The following AIF1L variants were observed in gnomAD, a reference collection of about 807,000 sequenced individuals.
The protein encoded by AIF1L is allograft inflammatory factor 1 like, also known as allograft inflammatory factor 1-like.
Under a neutral mutation model 20.7 loss-of-function variants are expected in AIF1L, and 12 were observed. The observed-to-expected ratio is 0.58, with a 90% CI of 0.37 to 0.94. The LOEUF is 0.94. Ranked by LOEUF, AIF1L falls within the 40% of genes least tolerant of loss-of-function variation. AIF1L has a pLI of 0.01. For synonymous variants in AIF1L, 76 were observed against 65.1 expected, an observed-to-expected ratio of 1.17 and a Z score of -0.81; for missense variants, 173 against 185.3, an observed-to-expected ratio of 0.93 and a Z score of 0.39.
chr9:131,103,618 G>A (rs1830683590), intron 2 of AIF1L, among the ~76,000 whole-genome samples: 1 of 152,282 alleles, frequency 6.6e-6, no homozygotes, highest in African/African-American at 2.4e-5. Context: ...TGCACTTTAG[G>A]CTTGGGAATG....
intron 2 of AIF1L, among the ~76,000 whole-genome samples, chr9:131,110,599 G>A (rs947079801): frequency 2.0e-5 from 3 of 151,064 alleles, no homozygotes; most frequent in African/African-American, 7.3e-5. Context: ...CACCTCCCAG[G>A]TTTAAGCTAT....
intron 2 of AIF1L, among the ~76,000 whole-genome samples, 167 bp downstream of exon 2, chr9:131,097,030 T>G (rs533083410): frequency 6.6e-6 from 1 of 152,218 alleles, no homozygotes; most frequent in Non-Finnish European, 1.5e-5. Context: ...CGCCTCCGAC[T>G]CCAGGTAGGT....
intron 2 of AIF1L, chr9:131,098,397 G>A (rs1481155234): frequency 6.6e-6 from 1 of 152,464 alleles, no homozygotes; most frequent in Non-Finnish European, 1.5e-5. Flanking sequence ...ATCACTGTGT[G>A]CCTGCCCAGC....
chr9:131,111,581 C>T lies in AIF1L; in HGVS notation c.94-16C>T, dbSNP rs200998335. 3.4e-4 allele frequency: 543 copies of T among 1,612,198 alleles called. 2 individuals are homozygous for T. In the East Asian group the frequency reaches 7.7e-3, roughly 23 times the overall value. On this transcript the variant is annotated splice_polypyrimidine_tract_variant and intron_variant, in intron 2 of 5. Coordinates refer to ENST00000247291, the MANE Select transcript of AIF1L (RefSeq NM_031426.4). Reference sequence around the variant, plus strand: ...TCCCCAGTCCCTTGCTCAGCACTGTCCTCTCACCTCTGTAGGAGTTTCTGT... The same window carrying T: ...TCCCCAGTCCCTTGCTCAGCACTGTTCTCTCACCTCTGTAGGAGTTTCTGT...
chr9:131,107,219 C>T (rs1830773963), intron 2 of AIF1L, among the ~76,000 whole-genome samples: 1 of 152,214 alleles, frequency 6.6e-6, no homozygotes, highest in Admixed American at 6.5e-5. Context: ...CAGGGTGCAG[C>T]CCAGGGCAAT....
In AIF1L at chr9:131,104,310, A is replaced by AT. The variant is rs777141812; in HGVS notation, c.94-7285dup. On this transcript the variant is annotated intron_variant, in intron 2 of 5. Coordinates refer to ENST00000247291, the MANE Select transcript of AIF1L (RefSeq NM_031426.4). ...CTTGTCTTTGGGGACAGTGGGTTAG[A>AT]TTGTGTGAGGAGGATAGGGGATAGA... Among the ~76,000 whole-genome samples the AT allele has an allele frequency of 8.5e-5, 13 of 152,228 alleles. No individual in the cohort carries two copies. In the South Asian group the frequency reaches 1.5e-3, roughly 17 times the overall value.
intron 5 of AIF1L, among the ~76,000 whole-genome samples, chr9:131,119,725 G>T (rs539537269): frequency 4.6e-5 from 7 of 152,316 alleles, no homozygotes; most frequent in Admixed American, 3.9e-4. Context: ...AAGGATCAGA[G>T]AGGTCAAGTG....
intron 5 of AIF1L, 126 bp from the exon 6 acceptor site, chr9:131,120,109 G>T: frequency 1.2e-6 from 1 of 843,234 alleles, no homozygotes; most frequent in African/African-American, 1.7e-5. Context: ...GGATCCCACT[G>T]GAGAACAGAT....
chr9:131,114,157 A>G, intron 3 of AIF1L: 1 of 196,176 alleles, frequency 5.1e-6, no homozygotes, highest in Non-Finnish European at 1.1e-5. Context: ...GCCCATCAGA[A>G]CTGCCTGGGA....
At chr9:131,105,417 T>G (rs540064689) in intron 2 of AIF1L, among the ~76,000 whole-genome samples, 3 of 152,156 alleles carry the variant, frequency 2.0e-5, no homozygotes, top group Non-Finnish European at 4.4e-5. Flanking sequence ...CAGGCTGGAG[T>G]GCAGTGGCGC....
rs1470020142 is a variant in AIF1L at position 131,121,773 on chromosome 9, C to A, written c.*1451C>A. 6.6e-6 allele frequency: 1 copy of A among 152,272 alleles called. No individual in the cohort carries two copies. Among genetic ancestry groups the A allele is most frequent in the African/African-American group, 2.4e-5 (1 of 41,458 alleles). The allele number at this position is 152,272 out of a possible 1,614,324, so 9.4% of individuals were successfully genotyped here. On this transcript the variant is annotated 3_prime_UTR_variant, in exon 6 of 6. Transcript: ENST00000247291. Reference sequence around the variant, plus strand: ...CAGGATTCGCCCTCTCCCATGCCTTCAAGTCAGCATCAGGCTTAGGGCAAA... The same window carrying A: ...CAGGATTCGCCCTCTCCCATGCCTTAAAGTCAGCATCAGGCTTAGGGCAAA...
chr9:131,116,491 T>C (rs1018134813), intron 4 of AIF1L, among the ~76,000 whole-genome samples: 1 of 152,184 alleles, frequency 6.6e-6, no homozygotes, highest in Non-Finnish European at 1.5e-5. Flanking sequence ...CTCAAACTCC[T>C]GGCCTCAAGT....
At chr9:131,106,421 A>G (rs1181671224) in intron 2 of AIF1L, among the ~76,000 whole-genome samples, 1 of 152,164 alleles carries the variant, frequency 6.6e-6, no homozygotes. Context: ...GAGGTGACCC[A>G]TCCTAAGGAG....
intron 2 of AIF1L, among the ~76,000 whole-genome samples, chr9:131,107,507 C>A (rs1171405041): frequency 6.6e-6 from 1 of 152,210 alleles, no homozygotes; most frequent in Non-Finnish European, 1.5e-5. Flanking sequence ...TGCTCTTGTG[C>A]CTCCCCAGGA....
Position 131,120,337 on chromosome 9 carries a change from C to T in AIF1L, c.*15C>T. Reference sequence around the variant, plus strand: ...GCCTGCCCTGAGGACCCCGCCTGGACTCCCCAGCCTTCCCACCCCATACCT... The same window carrying T: ...GCCTGCCCTGAGGACCCCGCCTGGATTCCCCAGCCTTCCCACCCCATACCT... On this transcript the variant is annotated 3_prime_UTR_variant, in exon 6 of 6. Coordinates refer to ENST00000247291, the MANE Select transcript of AIF1L (RefSeq NM_031426.4). 2 of 1,596,318 alleles carry T rather than the reference C, an allele frequency of 1.3e-6. No homozygotes were observed. The highest frequency in any genetic ancestry group is 2.7e-5 in the African/African-American group (2 of 74,072).
At chr9:131,100,767 A>G (rs1564163446) in intron 2 of AIF1L, among the ~76,000 whole-genome samples, 1 of 152,168 alleles carries the variant, frequency 6.6e-6, no homozygotes, top group African/African-American at 2.4e-5. Context: ...AGCTTCCCAC[A>G]GGGACAGAGA....
At chr9:131,107,834 C>A (rs1268718922) in intron 2 of AIF1L, 1 of 152,140 alleles carries the variant, frequency 6.6e-6, no homozygotes, top group African/African-American at 2.4e-5. Flanking sequence ...GGATCTGGGA[C>A]CCTGGGAGGT....
chr9:131,111,763 G>A, intron 3 of AIF1L, 100 bp downstream of exon 3: 1 of 1,225,930 alleles, frequency 8.2e-7, no homozygotes, highest in Non-Finnish European at 1.2e-6. Context: ...ACTAGGCTGT[G>A]GCCCTGTTTT....
chr9:131,110,001 G>C (rs1830839487), intron 2 of AIF1L, among the ~76,000 whole-genome samples: 1 of 152,180 alleles, frequency 6.6e-6, no homozygotes, highest in South Asian at 2.1e-4. Flanking sequence ...CTTGAGTCCA[G>C]GAGTTTGGGA....
Sources: allele counts gnomAD v4.1 joint callset (sites outside exome capture counted in the v4.1 genomes callset), GRCh38; gene constraint gnomAD v4.1.1; transcripts MANE v1.5; gene names NCBI Gene and HGNC (gene_info 2026-07-23, HGNC 2026-07-21).